The following BBS9 variants were observed in gnomAD, a reference collection of about 807,000 sequenced individuals.
The protein encoded by BBS9 is protein PTHB1.
Under a neutral mutation model 117.7 loss-of-function variants are expected in BBS9, and 89 were observed. The ratio of observed to expected loss-of-function variants is 0.76; its 90% confidence interval spans 0.64 to 0.90. The LOEUF is 0.90. Ranked by LOEUF, BBS9 falls within the 40% of genes least tolerant of loss-of-function variation. The pLI is 0.00. For missense variants in BBS9, 982 were observed against 1,042.2 expected (o/e 0.94, Z 0.80); for synonymous variants, 379 against 370.9 (o/e 1.02, Z -0.25).
chr7:33,468,142 A>G (rs1401042041), intron 19 of BBS9, among the ~76,000 whole-genome samples: 1 of 152,182 alleles, frequency 6.6e-6, no homozygotes, highest in Non-Finnish European at 1.5e-5. Context: ...GAAGATGAAA[A>G]GAGAGAGATC....
intron 19 of BBS9, among the ~76,000 whole-genome samples, chr7:33,408,443 A>C (rs1237053579): frequency 6.6e-6 from 1 of 151,280 alleles, no homozygotes; most frequent in Non-Finnish European, 1.5e-5. Context: ...TGCTGCACCC[A>C]CTCTCCTGCG....
chr7:33,609,591 C>CA (rs1210610577), downstream of BBS9, among the ~76,000 whole-genome samples: 1 of 152,064 alleles, frequency 6.6e-6, no homozygotes, highest in East Asian at 1.9e-4. Context: ...AAGAAATTCT[C>CA]CTTTGACTTG....
chr7:33,547,357 G>A (rs933799209), intron 21 of BBS9, among the ~76,000 whole-genome samples: 10 of 152,106 alleles, frequency 6.6e-5, no homozygotes, highest in Admixed American at 1.3e-4. Flanking sequence ...ATTTAAAGAC[G>A]TTTGAAGTTC....
intron 17 of BBS9, among the ~76,000 whole-genome samples, chr7:33,381,772 G>A (rs551872395): frequency 4.6e-5 from 7 of 152,234 alleles, no homozygotes; most frequent in South Asian, 4.1e-4. Flanking sequence ...AGGAGAATGG[G>A]GTATGACTTC....
chr7:33,230,525 T>C (rs1792155883), intron 5 of BBS9, among the ~76,000 whole-genome samples: 1 of 152,214 alleles, frequency 6.6e-6, no homozygotes, highest in Admixed American at 6.5e-5. Flanking sequence ...TTTACCCAAA[T>C]AGTGCACATT....
chr7:33,576,004 G>T (rs950852869), intron 21 of BBS9, among the ~76,000 whole-genome samples: 4 of 152,136 alleles, frequency 2.6e-5, no homozygotes, highest in Non-Finnish European at 5.9e-5. Context: ...ACAAGACAAG[G>T]ATATCCTCTC....
intron 19 of BBS9, among the ~76,000 whole-genome samples, chr7:33,479,532 T>C (rs531210461): frequency 6.6e-6 from 1 of 152,342 alleles, no homozygotes; most frequent in Admixed American, 6.5e-5. Context: ...CCTGCATTGA[T>C]TCCATGTCTT....
chr7:33,325,585 G>T (rs1357456867), intron 9 of BBS9, among the ~76,000 whole-genome samples: 21 of 152,128 alleles, frequency 1.4e-4, no homozygotes, highest in Admixed American at 1.4e-3. Context: ...ATTTATTGTA[G>T]CCTTTGCAAT....
At chr7:33,229,924 G>C (rs1265994733) in intron 5 of BBS9, among the ~76,000 whole-genome samples, 1 of 152,032 alleles carries the variant, frequency 6.6e-6, no homozygotes, top group Non-Finnish European at 1.5e-5. Flanking sequence ...AACATTTGTT[G>C]TTTTTTGCCT....
At chr7:33,308,597 C>G (rs1258796831) in intron 9 of BBS9, among the ~76,000 whole-genome samples, 2 of 152,110 alleles carry the variant, frequency 1.3e-5, no homozygotes, top group Non-Finnish European at 2.9e-5. Flanking sequence ...AGTTCTGTAC[C>G]TAGGATTTGT....
At chr7:33,439,851 CT>C (rs1165339305) in intron 19 of BBS9, among the ~76,000 whole-genome samples, 1 of 152,096 alleles carries the variant, frequency 6.6e-6, no homozygotes, top group Admixed American at 6.6e-5. Context: ...AAAGGAAAAC[CT>C]TTCTCTCTAG....
At chr7:33,620,501 G>A (rs1585491182) in intron 21 of BBS9, among the ~76,000 whole-genome samples, 1 of 151,624 alleles carries the variant, frequency 6.6e-6, no homozygotes, top group Admixed American at 6.6e-5. Flanking sequence ...AATCCCATTT[G>A]CAATAATAAA....
chr7:33,149,695 G>A (rs183376514), intron 2 of BBS9, among the ~76,000 whole-genome samples: 2 of 152,336 alleles, frequency 1.3e-5, no homozygotes, highest in South Asian at 2.1e-4. Context: ...TTTAATGCCT[G>A]CATGTTCATT....
At chr7:33,406,531 G>A (rs1018470872) in intron 19 of BBS9, among the ~76,000 whole-genome samples, 3 of 151,728 alleles carry the variant, frequency 2.0e-5, no homozygotes, top group African/African-American at 7.3e-5. Context: ...TCCTAGTCTC[G>A]ATGGTCTTTA....
intron 19 of BBS9, among the ~76,000 whole-genome samples, chr7:33,432,148 G>A (rs1179819198): frequency 2.0e-5 from 3 of 149,700 alleles, no homozygotes; most frequent in African/African-American, 4.9e-5. Context: ...GCAGTGGTGC[G>A]ATCTCGTCTC....
At chr7:33,234,091 C>A (rs943904628) in intron 5 of BBS9, among the ~76,000 whole-genome samples, 12 of 152,134 alleles carry the variant, frequency 7.9e-5, no homozygotes, top group Non-Finnish European at 1.5e-5. Context: ...TCTCAATGAT[C>A]ACATCGACTG....
At chr7:33,149,076 A>T (rs536826991) in intron 2 of BBS9, among the ~76,000 whole-genome samples, 3 of 152,266 alleles carry the variant, frequency 2.0e-5, no homozygotes, top group African/African-American at 7.2e-5. Context: ...CTTTAAAGAA[A>T]CTTAGCTGTG....
At chr7:33,488,914 G>A (rs886817876) in intron 19 of BBS9, among the ~76,000 whole-genome samples, 4 of 151,638 alleles carry the variant, frequency 2.6e-5, no homozygotes, top group African/African-American at 9.7e-5. Context: ...TTTTAGCAGA[G>A]CATTACTGGT....
chr7:33,285,538 G>A (rs1169640274), intron 9 of BBS9, among the ~76,000 whole-genome samples: 1 of 151,994 alleles, frequency 6.6e-6, no homozygotes, highest in Non-Finnish European at 1.5e-5. Context: ...ATTTTTGATG[G>A]TCATCGTTAC....
Sources: allele counts gnomAD v4.1 joint callset (sites outside exome capture counted in the v4.1 genomes callset), GRCh38; gene constraint gnomAD v4.1.1; transcripts MANE v1.5; gene names NCBI Gene and HGNC (gene_info 2026-07-23, HGNC 2026-07-21).